The following TENM3 variants were observed in gnomAD, a reference collection of about 807,000 sequenced individuals.
The protein encoded by TENM3 is teneurin-3.
A neutral mutation model predicts 255.1 loss-of-function variants in TENM3; 63 were observed. The ratio of observed to expected loss-of-function variants is 0.25; its 90% confidence interval spans 0.20 to 0.30. The LOEUF (loss-of-function observed/expected upper bound fraction) is 0.30, where lower values mean the gene tolerates loss of function less well. Ranked by LOEUF, TENM3 falls within the 10% of genes least tolerant of loss-of-function variation. TENM3 has a pLI of 1.00. For synonymous variants in TENM3, 1,306 were observed against 1,322.3 expected (o/e 0.99, Z 0.27); for missense variants, 2,929 against 3,461.1 (o/e 0.85, Z 3.86).
At chr4:181,944,908 A>C in the TENM3 span, among the ~76,000 whole-genome samples, 72 of 151,954 alleles carry the variant, frequency 4.7e-4, 2 homozygotes, top group Admixed American at 3.5e-3. Context: ...TAATTGCAAA[A>C]CTATTCCACG....
At chr4:181,599,097 G>C in the TENM3 span, among the ~76,000 whole-genome samples, 1 of 152,166 alleles carries the variant, frequency 6.6e-6, no homozygotes, top group African/African-American at 2.4e-5. Context: ...TAAGTATCCA[G>C]GCAGGGGCAA....
the TENM3 span, among the ~76,000 whole-genome samples, chr4:181,960,815 TA>T: frequency 6.6e-6 from 1 of 152,234 alleles, no homozygotes; most frequent in Non-Finnish European, 1.5e-5. Flanking sequence ...CTTGACCACA[TA>T]TTTTTTTAGA....
the TENM3 span, among the ~76,000 whole-genome samples, chr4:181,859,169 G>A: frequency 6.0e-5 from 9 of 151,028 alleles, no homozygotes; most frequent in Middle Eastern, 6.9e-3. Context: ...CTTGAACCCA[G>A]GGGGCAGAGG....
At chr4:182,440,787 C>T (rs576834048) in intron 3 of TENM3, among the ~76,000 whole-genome samples, 25 of 150,804 alleles carry the variant, frequency 1.7e-4, no homozygotes, top group African/African-American at 3.7e-4. Flanking sequence ...GAAGACCGTG[C>T]GGAAGGCATT....
the TENM3 span, among the ~76,000 whole-genome samples, chr4:182,088,303 G>A: frequency 6.6e-6 from 1 of 152,162 alleles, no homozygotes; most frequent in Admixed American, 6.5e-5. Flanking sequence ...CATATAGCTG[G>A]AAGGGAGCAT....
chr4:182,521,264 G>A (rs992091302), intron 3 of TENM3, among the ~76,000 whole-genome samples: 3 of 152,194 alleles, frequency 2.0e-5, no homozygotes, highest in African/African-American at 7.2e-5. Flanking sequence ...GCAACTTGAT[G>A]ATAGGAAGAT....
intron 3 of TENM3, among the ~76,000 whole-genome samples, chr4:182,380,220 G>A (rs1193912593): frequency 1.3e-5 from 2 of 152,140 alleles, no homozygotes; most frequent in African/African-American, 2.4e-5. Flanking sequence ...GCAGTGAGCC[G>A]AGATTGTGCC....
At chr4:182,384,279 A>C (rs938147088) in intron 3 of TENM3, among the ~76,000 whole-genome samples, 1 of 151,462 alleles carries the variant, frequency 6.6e-6, no homozygotes, top group African/African-American at 2.4e-5. Flanking sequence ...AAAATTGGCA[A>C]AGCTTTCTTT....
the TENM3 span, among the ~76,000 whole-genome samples, chr4:181,701,078 C>A: frequency 6.6e-6 from 1 of 152,056 alleles, no homozygotes; most frequent in Admixed American, 6.6e-5. Flanking sequence ...GTGGAGGCAG[C>A]ATCGTTAAGT....
At chr4:181,736,459 C>A in the TENM3 span, among the ~76,000 whole-genome samples, 1 of 151,918 alleles carries the variant, frequency 6.6e-6, no homozygotes, top group South Asian at 2.1e-4. Context: ...TTATAGCTTG[C>A]CTTTGGATAT....
the TENM3 span, among the ~76,000 whole-genome samples, chr4:181,757,214 T>G: frequency 6.6e-6 from 1 of 152,174 alleles, no homozygotes; most frequent in African/African-American, 2.4e-5. Context: ...AATACACACT[T>G]TTCACTAGCA....
intron 3 of TENM3, among the ~76,000 whole-genome samples, chr4:182,362,822 G>A (rs890557026): frequency 2.6e-5 from 4 of 152,200 alleles, no homozygotes; most frequent in Non-Finnish European, 4.4e-5. Flanking sequence ...CATCGCTTAC[G>A]CTGGGAGCTG....
chr4:182,037,031 C>G, the TENM3 span, among the ~76,000 whole-genome samples: 2 of 151,950 alleles, frequency 1.3e-5, no homozygotes, highest in Non-Finnish European at 2.9e-5. Context: ...TTCCTTATAT[C>G]CATTTATACT....
chr4:182,649,080 T>G (rs866536712), intron 5 of TENM3, among the ~76,000 whole-genome samples: 1 of 152,084 alleles, frequency 6.6e-6, no homozygotes, highest in African/African-American at 2.4e-5. Context: ...GATACATATT[T>G]CTATGGGGTA....
Position 182,793,881 on chromosome 4 carries a change from C to T in TENM3, c.7209C>T (p.Ile2403=), listed in dbSNP as rs1468493071. 1.3e-6 allele frequency: 2 copies of T among 1,596,772 alleles called. No homozygotes were observed. Among genetic ancestry groups the T allele is most frequent in the Non-Finnish European group, 1.7e-6 (2 of 1,170,416 alleles). The change falls in exon 26 of 28, where the codon ATC becomes ATT. Residue 2403 remains isoleucine (I), a synonymous_variant. Transcript: ENST00000511685. This position sits in a 1 kb window ranked among gnomAD's most constrained non-coding sequence, Gnocchi z 5.7. The part of the protein sequence containing the change: ...ASKIHDVKDY[I]TDVNSWLVTF... ...AAATCCATGACGTGAAAGATTACATCACAGGTAAGCATTTTGATTCCTTCC... is the reference window on the plus strand; with the variant it reads ...AAATCCATGACGTGAAAGATTACATTACAGGTAAGCATTTTGATTCCTTCC...
At chr4:182,597,858 T>A (rs1442638525) in intron 3 of TENM3, among the ~76,000 whole-genome samples, 1 of 152,162 alleles carries the variant, frequency 6.6e-6, no homozygotes, top group African/African-American at 2.4e-5. Flanking sequence ...CGGATTTTGC[T>A]CCTGTTTGTG....
At chr4:181,974,445 G>A in the TENM3 span, among the ~76,000 whole-genome samples, 2 of 152,114 alleles carry the variant, frequency 1.3e-5, no homozygotes, top group African/African-American at 2.4e-5. Context: ...GTGCATGCCT[G>A]TAATCCCAGC....
At chr4:182,027,877 G>A in the TENM3 span, among the ~76,000 whole-genome samples, 1 of 151,460 alleles carries the variant, frequency 6.6e-6, no homozygotes, top group Non-Finnish European at 1.5e-5. Flanking sequence ...TAGTATTCTG[G>A]TGATGATTTT....
At chr4:182,009,271 G>A in the TENM3 span, among the ~76,000 whole-genome samples, 1 of 152,132 alleles carries the variant, frequency 6.6e-6, no homozygotes, top group Non-Finnish European at 1.5e-5. Flanking sequence ...GGTGGAGACA[G>A]TGTGTTTCGC....
Sources: gnomAD v4.1 joint callset for allele counts (sites outside exome capture counted in the v4.1 genomes callset) on GRCh38, gnomAD v4.1.1 for gene constraint, Gnocchi (gnomAD v3.1) non-coding constraint, MANE v1.5 for transcripts, NCBI Gene and HGNC (gene_info 2026-07-23, HGNC 2026-07-21) for gene names.